Variants in AGBL3 observed in about 807,000 individuals in gnomAD.
The protein encoded by AGBL3 is AGBL carboxypeptidase 3.
AGBL3 carries 68 observed loss-of-function variants against 94.5 expected under a neutral mutation model. The observed-to-expected ratio is 0.72, with a 90% CI of 0.59 to 0.88. The LOEUF is 0.88. Ranked by LOEUF, AGBL3 falls within the 40% of genes least tolerant of loss-of-function variation. The pLI is 0.00. For missense variants in AGBL3, 934 were observed against 1,103.8 expected (o/e 0.85, Z 2.18); for synonymous variants, 354 against 370.7 (o/e 0.95, Z 0.52).
intron 12 of AGBL3, among the ~76,000 whole-genome samples, chr7:135,072,351 T>C (rs1820000641): frequency 6.6e-6 from 1 of 152,190 alleles, no homozygotes; most frequent in Non-Finnish European, 1.5e-5. Context: ...TGGAAGTCAG[T>C]GTGGCAATTC....
At chr7:135,058,367 A>G (rs931441307) in intron 11 of AGBL3, among the ~76,000 whole-genome samples, 1 of 152,182 alleles carries the variant, frequency 6.6e-6, no homozygotes, top group Non-Finnish European at 1.5e-5. Context: ...CACTGCATTA[A>G]ATGATTACAA....
intron 4 of AGBL3, among the ~76,000 whole-genome samples, chr7:135,009,244 A>G (rs1033248387): frequency 1.3e-5 from 2 of 152,236 alleles, no homozygotes; most frequent in Non-Finnish European, 2.9e-5. Flanking sequence ...TCAATGGATG[A>G]ATGGAAAAAC....
intron 7 of AGBL3, 119 bp downstream of exon 7, chr7:135,035,047 CTACTT>C: frequency 1.1e-6 from 1 of 920,596 alleles, no homozygotes. Flanking sequence ...TACTGTATAA[CTACTT>C]TATTTTTTCC....
chr7:135,129,165 T>G, intron 16 of AGBL3: 4 of 1,455,358 alleles, frequency 2.7e-6, no homozygotes, highest in Non-Finnish European at 3.9e-6. Context: ...CCAGTCCACC[T>G]TGGACCTGAT....
intron 15 of AGBL3, among the ~76,000 whole-genome samples, chr7:135,109,966 A>G (rs1825375097): frequency 6.6e-6 from 1 of 152,212 alleles, no homozygotes; most frequent in African/African-American, 2.4e-5. Context: ...CTGGTTGAGA[A>G]GTTCTGCCCA....
intron 13 of AGBL3, among the ~76,000 whole-genome samples, chr7:135,078,798 G>T (rs1820681936): frequency 6.6e-6 from 1 of 152,082 alleles, no homozygotes. Context: ...GCAGATTGTG[G>T]TCACTTACCT....
At position 135,005,192 on chromosome 7, in the gene AGBL3, T is replaced by C. The variant is rs186182096; in HGVS notation, c.310+11514T>C. Among the ~76,000 whole-genome samples, 6 of 151,942 alleles carry C rather than the reference T, an allele frequency of 3.9e-5. No homozygotes were observed. In the East Asian group the frequency reaches 9.6e-4, roughly 24 times the overall value. The stretch of plus-strand genomic sequence containing the variant: ...TGCAGATATCCTTACATTTCACCTG[T>C]AAATACTTTAGCATTTATATTGTTA... On this transcript the variant is annotated intron_variant, in intron 4 of 16. Transcript: ENST00000436302.
chr7:135,072,242 A>G (rs1786418572), intron 12 of AGBL3, among the ~76,000 whole-genome samples: 1 of 152,220 alleles, frequency 6.6e-6, no homozygotes, highest in Non-Finnish European at 1.5e-5. Context: ...TAGAATGGCA[A>G]TCATTAAAAA....
At chr7:134,997,789 T>G (rs952020022) in intron 4 of AGBL3, among the ~76,000 whole-genome samples, 1 of 152,222 alleles carries the variant, frequency 6.6e-6, no homozygotes, top group Non-Finnish European at 1.5e-5. Context: ...GTGCAAGGTT[T>G]GGACAACCAA....
intron 15 of AGBL3, among the ~76,000 whole-genome samples, chr7:135,103,173 G>A (rs907063144): frequency 3.3e-5 from 5 of 151,998 alleles, no homozygotes; most frequent in African/African-American, 4.8e-5. Flanking sequence ...TCTTTGGAAC[G>A]TGCTTCACCT....
At chr7:135,075,598 T>C (rs892370845) in intron 12 of AGBL3, among the ~76,000 whole-genome samples, 2 of 152,196 alleles carry the variant, frequency 1.3e-5, no homozygotes, top group African/African-American at 4.8e-5. Context: ...AGGAGTTCAA[T>C]TGGTAGGTGG....
chr7:135,037,696 C>A, intron 8 of AGBL3, 116 bp downstream of exon 8: 1 of 753,760 alleles, frequency 1.3e-6, no homozygotes, highest in Non-Finnish European at 1.9e-6. Flanking sequence ...GTTAGTTTGA[C>A]CAGTTTATAC....
At chr7:135,101,629 T>A (rs1563266141) in intron 15 of AGBL3, among the ~76,000 whole-genome samples, 2 of 152,176 alleles carry the variant, frequency 1.3e-5, no homozygotes, top group Admixed American at 1.3e-4. Flanking sequence ...GGTTTTCAGT[T>A]GAAAACCATC....
intron 4 of AGBL3, among the ~76,000 whole-genome samples, chr7:135,000,675 C>T (rs1216876211): frequency 6.6e-6 from 1 of 152,172 alleles, no homozygotes; most frequent in Non-Finnish European, 1.5e-5. Flanking sequence ...TTCTGAAGAA[C>T]CCTGACTAAT....
At chr7:135,021,133 T>C (rs1814393406) in intron 5 of AGBL3, among the ~76,000 whole-genome samples, 1 of 152,122 alleles carries the variant, frequency 6.6e-6, no homozygotes. Flanking sequence ...AATATATATG[T>C]AGGTCTATTT....
chr7:135,110,566 C>A (rs1049459091), intron 15 of AGBL3, among the ~76,000 whole-genome samples: 1 of 152,172 alleles, frequency 6.6e-6, no homozygotes, highest in Non-Finnish European at 1.5e-5. Context: ...CACTCACTGA[C>A]TCACCCCTTC....
chr7:135,034,931 A>G lies in AGBL3; in HGVS notation c.1337+3A>G, dbSNP rs1816153684. 1 of 1,483,012 alleles carries G rather than the reference A, an allele frequency of 6.7e-7. No individual in the cohort carries two copies. Among genetic ancestry groups the G allele is most frequent in the South Asian group, 1.4e-5 (1 of 70,396 alleles). The allele number at this position is 1,483,012 out of a possible 1,614,324, so 91.9% of individuals were successfully genotyped here. ...TATACCCGGAACATGGTTCATAGGT[A>G]AAATAAGCCTCAAATTACCTCTGTG... On this transcript the variant is annotated splice_donor_region_variant and intron_variant, in intron 7 of 16. Coordinates refer to ENST00000436302, the MANE Select transcript of AGBL3 (RefSeq NM_178563.4).
intron 15 of AGBL3, among the ~76,000 whole-genome samples, chr7:135,109,288 C>T (rs1825248299): frequency 6.6e-6 from 1 of 152,176 alleles, no homozygotes; most frequent in East Asian, 1.9e-4. Context: ...CTCTCTAGGG[C>T]CTGGAGGCAG....
At chr7:135,054,597 A>C (rs1183630556) in intron 11 of AGBL3, among the ~76,000 whole-genome samples, 1 of 152,200 alleles carries the variant, frequency 6.6e-6, no homozygotes, top group Non-Finnish European at 1.5e-5. Context: ...TGCACATTGA[A>C]TCAGATATTG....
Sources: allele counts gnomAD v4.1 joint callset (sites outside exome capture counted in the v4.1 genomes callset), GRCh38; gene constraint gnomAD v4.1.1; transcripts MANE v1.5; gene names NCBI Gene and HGNC (gene_info 2026-07-23, HGNC 2026-07-21).